Variants in SP110 observed in about 807,000 individuals in gnomAD.
The protein encoded by SP110 is SP110 nuclear body protein.
A neutral mutation model predicts 92.7 loss-of-function variants in SP110; 62 were observed. The observed-to-expected ratio is 0.67, with a 90% CI of 0.55 to 0.83. The LOEUF is 0.83. SP110 is among the 40% of genes least tolerant of loss of function. The pLI is 0.00. For missense variants in SP110, 793 were observed against 863.9 expected (o/e 0.92, Z 1.03); for synonymous variants, 273 against 305.3 (o/e 0.89, Z 1.10).
In SP110 at chr2:230,172,941, A is replaced by G; in HGVS notation, c.1609T>C (p.Cys537Arg). 2.5e-6 allele frequency: 4 copies of G among 1,613,998 alleles called. No individual in the cohort carries two copies. Among genetic ancestry groups the G allele is most frequent in the Middle Eastern group, 1.7e-4 (1 of 6,060 alleles). Residue 537 changes from cysteine to arginine, a missense_variant, in exon 15 of 19, where the codon TGC (cysteine) becomes CGC (arginine). Cys to Arg is a radical substitution (Grantham distance 180). Coordinates refer to ENST00000258381, the MANE Select transcript of SP110 (RefSeq NM_080424.4). ...TGTCCCCCTTGACAGCACACCTCGC[A>G]TTCATCCGAGTTTTTCCGCTGCAAG... ...ELLKRKNSDE[C>R]EVCCQGGQLL...
chr2:230,174,704 T>C (rs1312384888), intron 14 of SP110, among the ~76,000 whole-genome samples: 3 of 152,220 alleles, frequency 2.0e-5, no homozygotes, highest in Non-Finnish European at 4.4e-5. Context: ...GTGTGGGTCA[T>C]GGAGGCAGCA....
At chr2:230,170,072 A>G (rs1409304481) in intron 18 of SP110, among the ~76,000 whole-genome samples, 1 of 152,108 alleles carries the variant, frequency 6.6e-6, no homozygotes, top group Non-Finnish European at 1.5e-5. Context: ...ATCAGGAAAA[A>G]CCAAAGTTAC....
intron 7 of SP110, among the ~76,000 whole-genome samples, chr2:230,209,719 T>C (rs1465994446): frequency 6.6e-6 from 1 of 152,222 alleles, no homozygotes; most frequent in South Asian, 2.1e-4. Context: ...TCCAATGGCA[T>C]ATTTCAATAC....
intron 10 of SP110, among the ~76,000 whole-genome samples, chr2:230,197,444 C>T (rs1488827391): frequency 6.6e-6 from 1 of 150,836 alleles, no homozygotes; most frequent in Non-Finnish European, 1.5e-5. Flanking sequence ...TGGATATTAG[C>T]CCTTTGTCAG....
chr2:230,200,772 T>A, intron 10 of SP110, 113 bp downstream of exon 10: 1 of 857,228 alleles, frequency 1.2e-6, no homozygotes, highest in Admixed American at 1.8e-5. Context: ...AAGGGCTCTC[T>A]AGCACAGTAA....
At chr2:230,217,194 C>G (rs1487117617) in intron 1 of SP110, among the ~76,000 whole-genome samples, 1 of 130,282 alleles carries the variant, frequency 7.7e-6, no homozygotes, top group African/African-American at 3.0e-5. Context: ...TGCAGTAAGC[C>G]AAGATTGTGC....
intron 10 of SP110, among the ~76,000 whole-genome samples, chr2:230,200,307 A>T (rs1364680106): frequency 6.6e-6 from 1 of 152,178 alleles, no homozygotes; most frequent in Non-Finnish European, 1.5e-5. Flanking sequence ...TTATCAACTT[A>T]CTCCAGAAAT....
chr2:230,176,939 C>A (rs1173196902), intron 14 of SP110, among the ~76,000 whole-genome samples: 1 of 152,180 alleles, frequency 6.6e-6, no homozygotes, highest in African/African-American at 2.4e-5. Flanking sequence ...GTCACTCAAA[C>A]CCACGACCCT....
chr2:230,224,735 C>T (rs749665302), upstream of SP110, among the ~76,000 whole-genome samples: 2 of 152,272 alleles, frequency 1.3e-5, no homozygotes, highest in Non-Finnish European at 1.5e-5. Context: ...GATTCAGGAG[C>T]ACATGTTTTG....
intron 8 of SP110, among the ~76,000 whole-genome samples, chr2:230,206,593 T>C (rs2148886624): frequency 1.6e-5 from 1 of 63,664 alleles, no homozygotes; most frequent in East Asian, 9.0e-4. Context: ...CTGGTCCAGA[T>C]TTTATATATA....
Position 230,177,656 on chromosome 2 carries a change from T to C in SP110, c.1472A>G (p.Asn491Ser), listed in dbSNP as rs2041926899. Residue 491 changes from asparagine (N) to serine (S), a missense_variant, in exon 14 of 19, where the codon AAT (asparagine) becomes AGT (serine). Coordinates refer to ENST00000258381, the MANE Select transcript of SP110 (RefSeq NM_080424.4). ...KHGSSVKCIR[N>S]EDGTWLTPNE... ...TGGTGTTAACCAAGTTCCATCCTCATTCCGAATGCACTTCACTGAGGATCC... is the reference window on the plus strand; with the variant it reads ...TGGTGTTAACCAAGTTCCATCCTCACTCCGAATGCACTTCACTGAGGATCC... The C allele has an allele frequency of 6.2e-7, 1 of 1,614,076 alleles. No individual in the cohort carries two copies. Among genetic ancestry groups the C allele is most frequent in the Admixed American group, 1.7e-5 (1 of 60,006 alleles).
At chr2:230,220,386 A>C (rs1559189384), upstream of SP110, among the ~76,000 whole-genome samples, 1 of 152,242 alleles carries the variant, frequency 6.6e-6, no homozygotes, top group Non-Finnish European at 1.5e-5. Flanking sequence ...GAATTTATCC[A>C]GTGTGTTATC....
chr2:230,169,100 T>C lies in SP110; in HGVS notation c.*24A>G, dbSNP rs760685055. 4 of 1,449,748 alleles carry C rather than the reference T, an allele frequency of 2.8e-6. No homozygotes were observed. In the East Asian group the frequency reaches 9.1e-5, roughly 33 times the overall value. The allele number at this position is 1,449,748 out of a possible 1,614,324, so 89.8% of individuals were successfully genotyped here. A position where few individuals can be genotyped will look rare whatever the true frequency, so the allele number is the denominator to read the frequency against. ...CATCAGCTGAATCCTGAGGTGGGGA[T>C]GCTTCAGTCTTTACAGAACAGGGTC... On this transcript the variant is annotated 3_prime_UTR_variant, in exon 19 of 19. Coordinates refer to ENST00000258381, the MANE Select transcript of SP110 (RefSeq NM_080424.4).
intron 14 of SP110, chr2:230,177,302 C>G (rs983091181): frequency 3.6e-6 from 2 of 555,784 alleles, no homozygotes; most frequent in South Asian, 2.0e-5. Flanking sequence ...ACCTCAAAGC[C>G]CTTTGCCGGC....
intron 10 of SP110, among the ~76,000 whole-genome samples, chr2:230,187,994 T>C (rs1448883690): frequency 6.6e-6 from 1 of 152,186 alleles, no homozygotes; most frequent in African/African-American, 2.4e-5. Flanking sequence ...TGGTTCCATA[T>C]GAATTTTAAG....
At chr2:230,181,936 G>A (rs1175951147) in intron 12 of SP110, among the ~76,000 whole-genome samples, 1 of 152,184 alleles carries the variant, frequency 6.6e-6, no homozygotes, top group Non-Finnish European at 1.5e-5. Flanking sequence ...ATTTGACTCA[G>A]CAAGCAATCC....
chr2:230,183,542 G>C (rs199935405), intron 12 of SP110, 30 bp downstream of exon 12: 7 of 1,517,382 alleles, frequency 4.6e-6, no homozygotes, highest in Non-Finnish European at 6.4e-6. Flanking sequence ...GGGGAGCCCA[G>C]TGGGGAGGCG....
At position 230,172,306 on chromosome 2, in the gene SP110, A is replaced by C; in HGVS notation, c.1707-132T>G. ...GGTGGGACACCTCCCAGAGTGTCCA[A>C]GATCCCCACATGGGGTCTCCAGCAT... On this transcript the variant is annotated intron_variant, in intron 15 of 18. Coordinates refer to ENST00000258381, the MANE Select transcript of SP110 (RefSeq NM_080424.4). 5.4e-6 allele frequency: 4 copies of C among 737,798 alleles called. No individual in the cohort carries two copies. In the Admixed American group the frequency reaches 7.7e-5, roughly 14 times the overall value. The allele number at this position is 737,798 out of a possible 1,614,324, so 45.7% of individuals were successfully genotyped here.
At chr2:230,171,867 G>A (rs1395012916) in intron 16 of SP110, 100 bp from the exon 17 acceptor site, 8 of 974,476 alleles carry the variant, frequency 8.2e-6, no homozygotes, top group Non-Finnish European at 1.3e-5. Flanking sequence ...GCCAAGCCCA[G>A]TCAGCATTCC....
Sources: allele counts gnomAD v4.1 joint callset (sites outside exome capture counted in the v4.1 genomes callset), GRCh38; gene constraint gnomAD v4.1.1; transcripts MANE v1.5; gene names NCBI Gene and HGNC (gene_info 2026-07-23, HGNC 2026-07-21).